MYL4: variants seen among roughly 807,000 people sequenced by gnomAD.
MYL4 encodes the protein myosin light chain 4.
In MYL4, 16 loss-of-function variants were observed where a neutral mutation model predicts 21.6. The observed-to-expected ratio is 0.74, with a 90% CI of 0.50 to 1.12. MYL4 has a LOEUF of 1.12. Among genes scored for constraint, MYL4 ranks in the 50% most tolerant of loss-of-function variants. MYL4 has a pLI of 0.00. For synonymous variants in MYL4, 82 were observed against 95.7 expected, an observed-to-expected ratio of 0.86 and a Z score of 0.83; for missense variants, 249 against 252.9, an observed-to-expected ratio of 0.98 and a Z score of 0.11.
intron 1 of MYL4, among the ~76,000 whole-genome samples, chr17:47,203,167 T>G (rs1261687026): frequency 6.6e-6 from 1 of 152,190 alleles, no homozygotes; most frequent in Non-Finnish European, 1.5e-5. Context: ...GCCAGGCTGG[T>G]CTTGAACTCC....
downstream of MYL4, among the ~76,000 whole-genome samples, chr17:47,225,793 C>T (rs115111250): frequency 0.016 from 2,487 of 151,784 alleles, 53 homozygotes; most frequent in African/African-American, 0.053. Flanking sequence ...ATCACACCCC[C>T]AGTTTGAAAT....
At chr17:47,222,259 T>G in intron 4 of MYL4, 121 bp from the exon 5 acceptor site, 2 of 987,440 alleles carry the variant, frequency 2.0e-6, no homozygotes, top group Non-Finnish European at 3.2e-6. Flanking sequence ...AGGCTTGGTT[T>G]GAACCACCTC....
the MYL4 span, among the ~76,000 whole-genome samples, chr17:47,195,307 G>A: frequency 6.7e-6 from 1 of 149,656 alleles, no homozygotes; most frequent in African/African-American, 2.5e-5. Flanking sequence ...TTGGCTCACC[G>A]CAACCTCTGC....
At chr17:47,210,388 G>C (rs1158518116) in intron 1 of MYL4, among the ~76,000 whole-genome samples, 1 of 152,146 alleles carries the variant, frequency 6.6e-6, no homozygotes, top group Non-Finnish European at 1.5e-5. Flanking sequence ...GGTGGGAGAG[G>C]GGTGGGCTGA....
chr17:47,200,976 A>T (rs2064707111), intron 1 of MYL4, among the ~76,000 whole-genome samples: 1 of 152,194 alleles, frequency 6.6e-6, no homozygotes, highest in Non-Finnish European at 1.5e-5. Context: ...GTTTGAGACC[A>T]TCCTGGCCAA....
At chr17:47,190,193 C>T in the MYL4 span, among the ~76,000 whole-genome samples, 624 of 152,052 alleles carry the variant, frequency 4.1e-3, 3 homozygotes, top group Non-Finnish European at 7.3e-3. Context: ...AGTAGGGGGT[C>T]GGAAATTCAG....
At chr17:47,205,872 C>G (rs1417286163), upstream of MYL4, among the ~76,000 whole-genome samples, 1 of 152,258 alleles carries the variant, frequency 6.6e-6, no homozygotes, top group East Asian at 1.9e-4. Flanking sequence ...TTCCTCATTC[C>G]TAATCCCACA....
intron 1 of MYL4, among the ~76,000 whole-genome samples, chr17:47,213,036 A>G (rs2064787767): frequency 6.6e-6 from 1 of 152,102 alleles, no homozygotes. Flanking sequence ...AAATAGAAAG[A>G]GCAGTCCGAG....
upstream of MYL4, among the ~76,000 whole-genome samples, chr17:47,195,894 A>G (rs1567740741): frequency 6.6e-6 from 1 of 152,256 alleles, no homozygotes; most frequent in Non-Finnish European, 1.5e-5. Context: ...TATAAGCTCC[A>G]TGAGGGCAGA....
chr17:47,206,719 G>A (rs1348018107), upstream of MYL4, among the ~76,000 whole-genome samples: 1 of 152,174 alleles, frequency 6.6e-6, no homozygotes, highest in Admixed American at 6.5e-5. Flanking sequence ...TGGTTTGAAA[G>A]TCTCCTGATT....
chr17:47,195,799 C>T (rs1408554948), upstream of MYL4, among the ~76,000 whole-genome samples: 1 of 152,218 alleles, frequency 6.6e-6, no homozygotes, highest in African/African-American at 2.4e-5. Context: ...CCTGCTGTTA[C>T]TCTAGTGCTA....
chr17:47,193,815 G>C, the MYL4 span, among the ~76,000 whole-genome samples: 1 of 151,608 alleles, frequency 6.6e-6, no homozygotes, highest in African/African-American at 2.4e-5. Flanking sequence ...GAGTGCAGTG[G>C]TGTGATCTCA....
chr17:47,203,953 G>A (rs2149038778), intron 1 of MYL4, among the ~76,000 whole-genome samples: 1 of 152,334 alleles, frequency 6.6e-6, no homozygotes, highest in South Asian at 2.1e-4. Flanking sequence ...ACAGGCATGA[G>A]CCACCGTGTC....
downstream of MYL4, among the ~76,000 whole-genome samples, chr17:47,226,911 G>C (rs2064887759): frequency 6.6e-6 from 1 of 152,124 alleles, no homozygotes; most frequent in South Asian, 2.1e-4. Context: ...CTGGAGTGCA[G>C]TGGCACGATC....
chr17:47,202,096 C>T (rs2064711691), intron 1 of MYL4, among the ~76,000 whole-genome samples: 1 of 152,178 alleles, frequency 6.6e-6, no homozygotes, highest in Non-Finnish European at 1.5e-5. Flanking sequence ...AGTGATTCTC[C>T]TGCCTCAGCC....
At chr17:47,216,334 T>C (rs544413175) in intron 2 of MYL4, among the ~76,000 whole-genome samples, 1 of 149,122 alleles carries the variant, frequency 6.7e-6, no homozygotes, top group East Asian at 2.0e-4. Flanking sequence ...CTAGTTGTAG[T>C]CCTAAACTTC....
chr17:47,211,816 A>G (rs1200281803), intron 1 of MYL4, among the ~76,000 whole-genome samples: 2 of 152,036 alleles, frequency 1.3e-5, no homozygotes, highest in African/African-American at 4.8e-5. Flanking sequence ...GAATGACGGC[A>G]CTTGAAGAAG....
chr17:47,216,279 C>T (rs1278326718), intron 2 of MYL4, among the ~76,000 whole-genome samples: 1 of 150,462 alleles, frequency 6.6e-6, no homozygotes, highest in Non-Finnish European at 1.5e-5. Context: ...CCTTGAACAT[C>T]ACCTCTAATA....
upstream of MYL4, among the ~76,000 whole-genome samples, chr17:47,205,890 A>G (rs1408130112): frequency 6.6e-5 from 10 of 151,956 alleles, no homozygotes; most frequent in East Asian, 1.9e-3. Context: ...ACACCTTAAA[A>G]TCCCTTTAGC....
Sources: gnomAD v4.1 joint callset for allele counts (sites outside exome capture counted in the v4.1 genomes callset) on GRCh38, gnomAD v4.1.1 for gene constraint, MANE v1.5 for transcripts, NCBI Gene and HGNC (gene_info 2026-07-23, HGNC 2026-07-21) for gene names.